RBM19: variants seen among roughly 807,000 people sequenced by gnomAD.
RBM19 encodes the protein probable RNA-binding protein 19.
Under a neutral mutation model 116.8 loss-of-function variants are expected in RBM19, and 94 were observed. The observed-to-expected ratio is 0.80, with a 90% confidence interval of 0.68 to 0.95. The LOEUF is 0.95. Among genes scored for constraint, RBM19 ranks in the 40% least tolerant of loss-of-function variants. The probability of loss-of-function intolerance (pLI) is 0.00; values close to 1 mark genes in which losing one functional copy is unlikely to be tolerated. For missense variants in RBM19, 1,161 were observed against 1,220.7 expected, an observed-to-expected ratio of 0.95 and a Z score of 0.73; for synonymous variants, 475 against 494.1, an observed-to-expected ratio of 0.96 and a Z score of 0.51.
At chr12:113,955,250 A>T (rs1566041324) in intron 6 of RBM19, 39 bp from the exon 7 acceptor site, 1 of 1,583,016 alleles carries the variant, frequency 6.3e-7, no homozygotes, top group Non-Finnish European at 8.7e-7. Context: ...GGCCACACTA[A>T]CCCTTCGTAC....
At chr12:113,846,919 C>T (rs1192600379) in intron 22 of RBM19, among the ~76,000 whole-genome samples, 1 of 152,100 alleles carries the variant, frequency 6.6e-6, no homozygotes, top group Non-Finnish European at 1.5e-5. Context: ...CCCTACATTG[C>T]CCAGGCTGGT....
At chr12:113,834,270 A>C (rs1875686987) in intron 23 of RBM19, among the ~76,000 whole-genome samples, 1 of 152,172 alleles carries the variant, frequency 6.6e-6, no homozygotes, top group Non-Finnish European at 1.5e-5. Flanking sequence ...GAATGAATGA[A>C]TGAATGAATG....
intron 21 of RBM19, among the ~76,000 whole-genome samples, chr12:113,872,527 G>A (rs1205422454): frequency 7.8e-6 from 1 of 129,024 alleles, no homozygotes; most frequent in Non-Finnish European, 1.7e-5. Context: ...AGGTGGGGGT[G>A]TCGGCCCCCC....
chr12:113,907,096 TG>T (rs1168758796), intron 21 of RBM19, among the ~76,000 whole-genome samples: 3 of 152,126 alleles, frequency 2.0e-5, no homozygotes, highest in African/African-American at 7.2e-5. Flanking sequence ...CTGGGACTTC[TG>T]GCTTCTGGAA....
At chr12:113,889,684 A>C (rs555305764) in intron 21 of RBM19, among the ~76,000 whole-genome samples, 18 of 151,812 alleles carry the variant, frequency 1.2e-4, no homozygotes, top group South Asian at 4.2e-4. Context: ...AAAAAAAAAA[A>C]CAAAAAGACC....
chr12:113,923,696 T>C (rs954662197), intron 18 of RBM19, among the ~76,000 whole-genome samples: 8 of 152,248 alleles, frequency 5.3e-5, no homozygotes, highest in African/African-American at 1.9e-4. Context: ...TCCCGCCGCC[T>C]GGCTGCTCTG....
chr12:113,860,392 T>C (rs994754772), intron 21 of RBM19, among the ~76,000 whole-genome samples: 5 of 152,234 alleles, frequency 3.3e-5, no homozygotes, highest in African/African-American at 1.2e-4. Context: ...CCCTCTGCCA[T>C]GCTGGCTTTG....
intron 13 of RBM19, among the ~76,000 whole-genome samples, chr12:113,945,300 A>T (rs1870918829): frequency 6.6e-6 from 1 of 152,182 alleles, no homozygotes; most frequent in South Asian, 2.1e-4. Context: ...GGAGAGAAGG[A>T]GGAACGGAAC....
intron 1 of RBM19, among the ~76,000 whole-genome samples, chr12:113,963,095 G>A (rs923458101): frequency 6.6e-6 from 1 of 152,122 alleles, no homozygotes; most frequent in Non-Finnish European, 1.5e-5. Context: ...AAAGGCAAAG[G>A]GACAGATATT....
intron 23 of RBM19, among the ~76,000 whole-genome samples, chr12:113,834,602 A>G (rs1173247336): frequency 6.6e-6 from 1 of 152,238 alleles, no homozygotes; most frequent in East Asian, 1.9e-4. Context: ...ACAAATGGGC[A>G]TGCCTGTGTT....
intron 23 of RBM19, among the ~76,000 whole-genome samples, chr12:113,830,884 T>C: frequency 6.6e-6 from 1 of 152,134 alleles, no homozygotes; most frequent in East Asian, 1.9e-4. Flanking sequence ...GCTGGTAACA[T>C]CTCATAGGGC....
At chr12:113,848,494 C>T (rs1877175055) in intron 22 of RBM19, among the ~76,000 whole-genome samples, 1 of 152,124 alleles carries the variant, frequency 6.6e-6, no homozygotes. Context: ...AATTGTGTTT[C>T]ATTAAAAGAG....
intron 21 of RBM19, among the ~76,000 whole-genome samples, chr12:113,893,542 C>A (rs1311310113): frequency 6.6e-6 from 1 of 152,180 alleles, no homozygotes; most frequent in Non-Finnish European, 1.5e-5. Flanking sequence ...ATCATTTAGC[C>A]CGCCCTGTCT....
At chr12:113,890,108 C>T (rs956304122) in intron 21 of RBM19, among the ~76,000 whole-genome samples, 26 of 152,348 alleles carry the variant, frequency 1.7e-4, no homozygotes, top group African/African-American at 5.3e-4. Context: ...GATGGATCCT[C>T]TCTCATTCCC....
chr12:113,955,000 T>C, intron 7 of RBM19, 131 bp downstream of exon 7: 1 of 818,640 alleles, frequency 1.2e-6, no homozygotes, highest in Middle Eastern at 3.7e-4. Flanking sequence ...TCAGCCTTTT[T>C]GGCCCCCAAT....
At chr12:113,965,419 G>T (rs1054757515) in intron 1 of RBM19, among the ~76,000 whole-genome samples, 1 of 152,052 alleles carries the variant, frequency 6.6e-6, no homozygotes, top group Non-Finnish European at 1.5e-5. Flanking sequence ...GAATTTGGGA[G>T]GGAAAGGAAG....
At chr12:113,944,238 C>T (rs1870833588) in intron 13 of RBM19, among the ~76,000 whole-genome samples, 1 of 151,314 alleles carries the variant, frequency 6.6e-6, no homozygotes. Context: ...GCTGGGATTA[C>T]AGGCATGCAC....
At chr12:113,954,135 C>T (rs1871703856) in intron 7 of RBM19, among the ~76,000 whole-genome samples, 2 of 152,154 alleles carry the variant, frequency 1.3e-5, no homozygotes, top group Non-Finnish European at 2.9e-5. Flanking sequence ...AGGTCTATAA[C>T]ATACCATGAT....
At chr12:113,924,864 T>A (rs562774172) in intron 17 of RBM19, 107 bp from the exon 18 acceptor site, 1 of 915,472 alleles carries the variant, frequency 1.1e-6, no homozygotes, top group East Asian at 2.4e-5. Context: ...CACCTTGGGG[T>A]CCCAAAAACA....
Sources: allele counts gnomAD v4.1 joint callset (sites outside exome capture counted in the v4.1 genomes callset), GRCh38; gene constraint gnomAD v4.1.1; transcripts MANE v1.5; gene names NCBI Gene and HGNC (gene_info 2026-07-23, HGNC 2026-07-21).